Variants in DENND4C observed in about 807,000 individuals in gnomAD.
DENND4C encodes the protein DENN domain containing 4C.
In DENND4C, 108 loss-of-function variants were observed where a neutral mutation model predicts 203.0. The ratio of observed to expected loss-of-function variants is 0.53; its 90% CI spans 0.46 to 0.62. The LOEUF is 0.62. DENND4C is among the 20% of genes least tolerant of loss of function. DENND4C has a pLI of 0.00. For synonymous variants in DENND4C, 871 were observed against 792.4 expected (o/e 1.10, Z -1.67); for missense variants, 2,481 against 2,301.2 (o/e 1.08, Z -1.60).
intron 10 of DENND4C, among the ~76,000 whole-genome samples, chr9:19,316,189 A>G (rs1841816846): frequency 6.6e-6 from 1 of 152,238 alleles, no homozygotes; most frequent in Non-Finnish European, 1.5e-5. Flanking sequence ...TAACTCCAAC[A>G]TTGAAAATAT....
At position 19,296,214 on chromosome 9, in the gene DENND4C, T is replaced by C. The variant is rs1443157702; in HGVS notation, c.1008T>C (p.Ser336=). 6.2e-7 allele frequency: 1 copy of C among 1,613,174 alleles called. No homozygotes were observed. Among genetic ancestry groups the C allele is most frequent in the African/African-American group, 1.3e-5 (1 of 74,918 alleles). Residue 336 remains serine (S), a synonymous_variant, in exon 6 of 33, where the codon TCT becomes TCC. Coordinates refer to ENST00000434457, the MANE Select transcript of DENND4C (RefSeq NM_001330640.2). The part of the protein sequence containing the change: ...RKFLMFIYKL[S]VSGPHPLPIE... ...TTCTTATGTTTATCTACAAACTTTC[T>C]GTGTCTGGACCACATCCTCTTCCCA...
At position 19,369,822 on chromosome 9, in the gene DENND4C, T is replaced by C; in HGVS notation, c.5525-15T>C. 6.7e-7 allele frequency: 1 copy of C among 1,498,834 alleles called. No homozygotes were observed. Among genetic ancestry groups the C allele is most frequent in the Non-Finnish European group, 8.9e-7 (1 of 1,127,004 alleles). 92.8% of individuals were successfully genotyped at this position (1,498,834 alleles called of 1,614,324 possible). A position where few individuals can be genotyped will look rare whatever the true frequency, so the allele number is the denominator to read the frequency against. On this transcript the variant is annotated splice_polypyrimidine_tract_variant and intron_variant, in intron 30 of 32. Coordinates refer to ENST00000434457, the MANE Select transcript of DENND4C (RefSeq NM_001330640.2). The stretch of plus-strand genomic sequence containing the variant: ...GTAATAATTGAAAAAAAACTTACTG[T>C]GTTCTTATTGTTAGATTCTGAAAAG...
chr9:19,230,680 G>C (rs997177347), upstream of DENND4C: 1 of 152,164 alleles, frequency 6.6e-6, no homozygotes, highest in African/African-American at 2.4e-5. Context: ...TGCCCGCGAG[G>C]CGGCGCAGGC....
At chr9:19,353,500 C>T (rs1458544873) in intron 26 of DENND4C, among the ~76,000 whole-genome samples, 3 of 152,136 alleles carry the variant, frequency 2.0e-5, no homozygotes, top group Non-Finnish European at 2.9e-5. Context: ...TGGCGGCGTG[C>T]GCCTGTAGTC....
At chr9:19,266,980 C>T (rs889827041) in intron 1 of DENND4C, among the ~76,000 whole-genome samples, 2 of 152,090 alleles carry the variant, frequency 1.3e-5, no homozygotes, top group Non-Finnish European at 2.9e-5. Context: ...ACCTATTTGA[C>T]GTACTTTCAG....
chr9:19,247,956 C>G (rs2131563098), intron 1 of DENND4C, among the ~76,000 whole-genome samples: 1 of 152,248 alleles, frequency 6.6e-6, no homozygotes, highest in Non-Finnish European at 1.5e-5. Context: ...CTTGCTGCTC[C>G]CACTCCTTTG....
chr9:19,314,432 C>T (rs764294474), intron 10 of DENND4C, among the ~76,000 whole-genome samples: 2 of 151,998 alleles, frequency 1.3e-5, no homozygotes, highest in Non-Finnish European at 2.9e-5. Flanking sequence ...CCAGCCTGGG[C>T]GACAGCTCAA....
At chr9:19,307,769 C>CAAAA (rs398046460) in intron 10 of DENND4C, among the ~76,000 whole-genome samples, 1 of 89,210 alleles carries the variant, frequency 1.1e-5, no homozygotes. Context: ...GACTCTGTCT[C>CAAAA]AAAAAAAAAA....
intron 1 of DENND4C, among the ~76,000 whole-genome samples, chr9:19,260,471 T>C (rs112236535): frequency 0.054 from 8,197 of 152,022 alleles, 374 homozygotes; most frequent in African/African-American, 0.12. Context: ...GATCTCGGCT[T>C]ACTGCAACCT....
intron 1 of DENND4C, among the ~76,000 whole-genome samples, chr9:19,254,131 T>C (rs1022849858): frequency 6.6e-6 from 1 of 152,042 alleles, no homozygotes; most frequent in Non-Finnish European, 1.5e-5. Context: ...TTGTACCCTA[T>C]TGGTGGGAAT....
At position 19,373,017 on chromosome 9, in the gene DENND4C, CTA is replaced by C. The variant is rs1829101750; in HGVS notation, c.*846_*847del. The C allele has an allele frequency of 6.6e-6, 1 of 152,078 alleles. No homozygotes were observed. The highest frequency in any genetic ancestry group is 1.9e-4 in the East Asian group (1 of 5,186). 9.4% of individuals were successfully genotyped at this position (152,078 alleles called of 1,614,324 possible). A position where few individuals can be genotyped will look rare whatever the true frequency, so the allele number is the denominator to read the frequency against. ...GGTTTTCTGAAAGGGGTCTCATTGA[CTA>C]TTAAATAAATGACTACTACTAAACT... is the stretch of plus-strand genomic sequence containing the variant. On this transcript the variant is annotated 3_prime_UTR_variant, in exon 33 of 33. Transcript: ENST00000434457.
intron 10 of DENND4C, among the ~76,000 whole-genome samples, chr9:19,315,017 G>A (rs1841516843): frequency 6.6e-6 from 1 of 151,964 alleles, no homozygotes; most frequent in South Asian, 2.1e-4. Context: ...AAAATTAGCT[G>A]GGCGTGATGG....
chr9:19,297,018 TAAGA>T (rs1837607638), intron 6 of DENND4C, among the ~76,000 whole-genome samples: 1 of 152,206 alleles, frequency 6.6e-6, no homozygotes, highest in Non-Finnish European at 1.5e-5. Flanking sequence ...CTTTCTTTCC[TAAGA>T]AAGAAAAATG....
At chr9:19,360,023 A>T (rs951388727) in intron 28 of DENND4C, among the ~76,000 whole-genome samples, 3 of 152,180 alleles carry the variant, frequency 2.0e-5, no homozygotes, top group African/African-American at 7.2e-5. Context: ...ACATGTTTTA[A>T]AGAGTCTGTT....
At chr9:19,309,506 G>A (rs1465651588) in intron 10 of DENND4C, among the ~76,000 whole-genome samples, 2 of 151,920 alleles carry the variant, frequency 1.3e-5, no homozygotes, top group Non-Finnish European at 2.9e-5. Context: ...CAGGTCAAAT[G>A]TGTGAATTGT....
chr9:19,248,642 A>G (rs1320368313), intron 1 of DENND4C, among the ~76,000 whole-genome samples: 2 of 152,088 alleles, frequency 1.3e-5, no homozygotes, highest in African/African-American at 4.8e-5. Context: ...TGCCCGCCTC[A>G]GCTTCCCTAA....
intron 1 of DENND4C, among the ~76,000 whole-genome samples, chr9:19,257,215 G>A (rs1226386254): frequency 1.3e-5 from 2 of 151,836 alleles, no homozygotes; most frequent in East Asian, 1.9e-4. Flanking sequence ...AGAAGGCCGG[G>A]TGCGGTGGCT....
chr9:19,296,073 T>C lies in DENND4C; in HGVS notation c.867T>C (p.Leu289=), dbSNP rs1170419219. The C allele has an allele frequency of 6.2e-7, 1 of 1,614,154 alleles. No individual in the cohort carries two copies. Among genetic ancestry groups the C allele is most frequent in the Non-Finnish European group, 8.5e-7 (1 of 1,180,006 alleles). ...YSRELLSEKQ[L]MHLGLLTPVE... ...GGGAACTTCTATCAGAGAAACAGCT[T>C]ATGCACCTGGGCTTGTTGACGCCTG... The change falls in exon 6 of 33, where the codon CTT becomes CTC. Residue 289 remains leucine (L), a synonymous_variant. Coordinates refer to ENST00000434457, the MANE Select transcript of DENND4C (RefSeq NM_001330640.2).
chr9:19,300,295 A>G lies in DENND4C; in HGVS notation c.1275A>G (p.Pro425=), dbSNP rs771825504. The G allele has an allele frequency of 6.2e-7, 1 of 1,605,386 alleles. No homozygotes were observed. The highest frequency in any genetic ancestry group is 1.1e-5 in the South Asian group (1 of 89,624). Residue 425 remains proline (P), a synonymous_variant, in exon 9 of 33, where the codon CCA becomes CCG. Transcript: ENST00000434457. ...ESKILLHSLR[P]AVLTGVAEAV... ...AAATTCTGCTGCATTCTCTTAGGCC[A>G]GCTGTCTTGACTGGGGTAGCTGAAG... is the stretch of plus-strand genomic sequence containing the variant.
Sources: gnomAD v4.1 joint callset for allele counts (sites outside exome capture counted in the v4.1 genomes callset) on GRCh38, gnomAD v4.1.1 for gene constraint, MANE v1.5 for transcripts, NCBI Gene and HGNC (gene_info 2026-07-23, HGNC 2026-07-21) for gene names.